SNX24: variants seen among roughly 807,000 people sequenced by gnomAD.
SNX24 encodes the protein sorting nexin-24.
A neutral mutation model predicts 28.7 loss-of-function variants in SNX24; 22 were observed. That is an observed-to-expected ratio of 0.77 (90% CI 0.55 to 1.10). SNX24 has a LOEUF of 1.10. Among genes scored for constraint, SNX24 ranks in the 50% least tolerant of loss-of-function variants. The pLI is 0.00. For synonymous variants in SNX24, 69 were observed against 71.5 expected (o/e 0.96, Z 0.18); for missense variants, 221 against 201.1 (o/e 1.10, Z -0.60).
At chr5:122,909,387 G>C (rs1428570822) in intron 1 of SNX24, among the ~76,000 whole-genome samples, 1 of 152,178 alleles carries the variant, frequency 6.6e-6, no homozygotes, top group African/African-American at 2.4e-5. Context: ...TATTTAACAG[G>C]TGAAAAAACA....
chr5:122,884,663 A>G (rs903833425), intron 1 of SNX24, among the ~76,000 whole-genome samples: 2 of 152,164 alleles, frequency 1.3e-5, no homozygotes, highest in African/African-American at 4.8e-5. Flanking sequence ...GAGAATAAGC[A>G]ATAGAGACTG....
intron 3 of SNX24, among the ~76,000 whole-genome samples, chr5:122,956,363 TATATACACACAC>T (rs1301272273): frequency 2.1e-4 from 9 of 42,908 alleles, no homozygotes; most frequent in African/African-American, 1.0e-3. Flanking sequence ...AAAAAAAAAA[TATATACACACAC>T]ACACACACAC....
At chr5:122,881,646 TC>T (rs1369033205) in intron 1 of SNX24, among the ~76,000 whole-genome samples, 2 of 152,102 alleles carry the variant, frequency 1.3e-5, no homozygotes, top group Admixed American at 1.3e-4. Flanking sequence ...AGATTCCTCA[TC>T]TACTGAGTAG....
chr5:123,005,627 T>C (rs910471726), intron 6 of SNX24, among the ~76,000 whole-genome samples: 2 of 152,222 alleles, frequency 1.3e-5, no homozygotes, highest in Non-Finnish European at 2.9e-5. Context: ...GACCTTCAAA[T>C]CGACTTCTAT....
intron 1 of SNX24, among the ~76,000 whole-genome samples, chr5:122,858,349 C>T (rs758318938): frequency 7.2e-5 from 11 of 152,186 alleles, no homozygotes; most frequent in Admixed American, 1.3e-4. Flanking sequence ...TAGGCTTGCT[C>T]AATGCAGGAT....
At chr5:122,981,662 GTTTTGTTTTTGTTT>G (rs1197055820) in intron 3 of SNX24, among the ~76,000 whole-genome samples, 1 of 147,516 alleles carries the variant, frequency 6.8e-6, no homozygotes, top group Non-Finnish European at 1.5e-5. Flanking sequence ...TACATGTTTT[GTTTTGTTTTTGTTT>G]GTTTGTTTGT....
rs529622435 is a variant in SNX24 at position 122,875,169 on chromosome 5, G to T, written c.60+29476G>T. Among the ~76,000 whole-genome samples, 4 of 152,294 alleles carry T rather than the reference G, an allele frequency of 2.6e-5. No homozygotes were observed. In the South Asian group the frequency reaches 8.3e-4, roughly 32 times the overall value. On this transcript the variant is annotated intron_variant, in intron 1 of 6. Coordinates refer to ENST00000261369, the MANE Select transcript of SNX24 (RefSeq NM_014035.4). ...ATGGCAAAGGGATTTTGGGTTTATA[G>T]AGGTGAATTAGAATTTGACCTAAGT...
chr5:123,008,246 A>C lies in SNX24; in HGVS notation c.*497A>C, dbSNP rs1762482933. Reference sequence around the variant, plus strand: ...CACCAGGAGACGGCCACAGACACACACTGCTAAATGTGAAGATGGAACTAA... The same window carrying C: ...CACCAGGAGACGGCCACAGACACACCCTGCTAAATGTGAAGATGGAACTAA... On this transcript the variant is annotated 3_prime_UTR_variant, in exon 7 of 7. Transcript: ENST00000261369. The C allele has an allele frequency of 1.0e-6, 1 of 985,424 alleles. No individual in the cohort carries two copies. Among genetic ancestry groups the C allele is most frequent in the African/African-American group, 1.7e-5 (1 of 57,194 alleles). 61.0% of individuals were successfully genotyped at this position (985,424 alleles called of 1,614,324 possible). A position where few individuals can be genotyped will look rare whatever the true frequency, so the allele number is the denominator to read the frequency against.
intron 1 of SNX24, among the ~76,000 whole-genome samples, chr5:122,852,584 C>T (rs1197424946): frequency 6.6e-6 from 1 of 152,116 alleles, no homozygotes; most frequent in Admixed American, 6.6e-5. Context: ...TTCAAGTGAT[C>T]CACCCACCTC....
At chr5:122,883,442 C>T (rs1756566443) in intron 1 of SNX24, among the ~76,000 whole-genome samples, 1 of 152,066 alleles carries the variant, frequency 6.6e-6, no homozygotes, top group Non-Finnish European at 1.5e-5. Context: ...GGCATATCTT[C>T]CTAGATACTA....
chr5:122,936,325 G>A (rs1177804530), intron 1 of SNX24, among the ~76,000 whole-genome samples: 1 of 152,116 alleles, frequency 6.6e-6, no homozygotes, highest in African/African-American at 2.4e-5. Context: ...TACTGCCTGC[G>A]TTGAAATGCC....
At chr5:122,980,971 T>C (rs551328396) in intron 3 of SNX24, among the ~76,000 whole-genome samples, 2 of 152,032 alleles carry the variant, frequency 1.3e-5, no homozygotes, top group South Asian at 4.2e-4. Context: ...GTCCATGAGG[T>C]CAAAGGGAAT....
downstream of SNX24, among the ~76,000 whole-genome samples, chr5:123,012,723 C>T (rs571767891): frequency 6.6e-6 from 1 of 152,312 alleles, no homozygotes; most frequent in African/African-American, 2.4e-5. Flanking sequence ...GAGAATAAGG[C>T]TGTACTGATC....
At chr5:122,850,911 C>G (rs1385016023) in intron 1 of SNX24, among the ~76,000 whole-genome samples, 1 of 151,294 alleles carries the variant, frequency 6.6e-6, no homozygotes, top group Non-Finnish European at 1.5e-5. Flanking sequence ...AGAAAGAAAC[C>G]AAGGAGTGTG....
chr5:122,859,920 T>A (rs1346491978), intron 1 of SNX24, among the ~76,000 whole-genome samples: 1 of 152,160 alleles, frequency 6.6e-6, no homozygotes, highest in African/African-American at 2.4e-5. Flanking sequence ...AAACCTGGGA[T>A]AGATAAAAAG....
chr5:122,916,855 T>C (rs534999865), intron 1 of SNX24, among the ~76,000 whole-genome samples: 34 of 152,208 alleles, frequency 2.2e-4, no homozygotes, highest in Non-Finnish European at 4.1e-4. Flanking sequence ...CATGGCATAC[T>C]CTGTCATGGT....
At chr5:122,849,033 A>C (rs1018265657) in intron 1 of SNX24, among the ~76,000 whole-genome samples, 8 of 152,272 alleles carry the variant, frequency 5.3e-5, no homozygotes, top group African/African-American at 1.9e-4. Context: ...GATGTGCCGT[A>C]ATTTTTTCCC....
chr5:122,912,532 C>T (rs969811800), intron 1 of SNX24, among the ~76,000 whole-genome samples: 3 of 152,124 alleles, frequency 2.0e-5, no homozygotes, highest in Non-Finnish European at 2.9e-5. Flanking sequence ...TGAGAGAGGG[C>T]ATCCTGTCTT....
intron 1 of SNX24, among the ~76,000 whole-genome samples, chr5:122,927,666 ATCT>A (rs1455166175): frequency 2.0e-5 from 3 of 152,186 alleles, no homozygotes; most frequent in African/African-American, 7.2e-5. Context: ...GTGAAGCAAA[ATCT>A]TCTTGTTGCT....
Sources: gnomAD v4.1 joint callset for allele counts (sites outside exome capture counted in the v4.1 genomes callset) on GRCh38, gnomAD v4.1.1 for gene constraint, MANE v1.5 for transcripts, NCBI Gene and HGNC (gene_info 2026-07-23, HGNC 2026-07-21) for gene names.